Variants in MMP26 observed in about 807,000 individuals in gnomAD.
MMP26 encodes the protein matrix metalloproteinase-26.
MMP26 carries 33 observed loss-of-function variants against 31.0 expected under a neutral mutation model. The ratio of observed to expected loss-of-function variants is 1.06; its 90% CI spans 0.81 to 1.42. The LOEUF (loss-of-function observed/expected upper bound fraction) is 1.42. Ranked by LOEUF, MMP26 falls within the 40% of genes most tolerant of loss-of-function variation. The probability of loss-of-function intolerance (pLI) is 0.00; values close to 1 mark genes in which losing one functional copy is unlikely to be tolerated. For missense variants in MMP26, 347 were observed against 316.1 expected, an observed-to-expected ratio of 1.10 and a Z score of -0.74; for synonymous variants, 122 against 114.9, an observed-to-expected ratio of 1.06 and a Z score of -0.40.
chr11:4,868,737 C>CA (rs1174905069), intron 2 of MMP26, among the ~76,000 whole-genome samples: 1 of 151,984 alleles, frequency 6.6e-6, no homozygotes, highest in Non-Finnish European at 1.5e-5. Context: ...CATATGGAAC[C>CA]AAAAAAGAGC....
At chr11:4,965,215 A>G (rs1846575493) in intron 2 of MMP26, among the ~76,000 whole-genome samples, 1 of 152,292 alleles carries the variant, frequency 6.6e-6, no homozygotes, top group South Asian at 2.1e-4. Flanking sequence ...CTCCCAAGTA[A>G]GCCAGCCTCT....
At chr11:4,813,523 T>A (rs1849379064) in intron 2 of MMP26, among the ~76,000 whole-genome samples, 1 of 152,074 alleles carries the variant, frequency 6.6e-6, no homozygotes, top group African/African-American at 2.4e-5. Flanking sequence ...CACCACACAC[T>A]GCCAGTAATC....
intron 2 of MMP26, among the ~76,000 whole-genome samples, chr11:4,786,079 T>C (rs751813218): frequency 4.5e-4 from 69 of 152,272 alleles, no homozygotes; most frequent in Non-Finnish European, 8.7e-4. Flanking sequence ...TGGGGTTCAA[T>C]ATAAAGCCCT....
At chr11:4,817,005 G>C (rs529313340) in intron 2 of MMP26, among the ~76,000 whole-genome samples, 49 of 151,894 alleles carry the variant, frequency 3.2e-4, no homozygotes, top group Middle Eastern at 6.8e-3. Flanking sequence ...GGCACGTTTA[G>C]TGACATAGGT....
chr11:4,907,498 C>A (rs544417993), intron 2 of MMP26: 1 of 1,613,988 alleles, frequency 6.2e-7, no homozygotes, highest in African/African-American at 1.3e-5. Flanking sequence ...TGGGCAACTG[C>A]ACCATTCTCT....
chr11:4,746,323 T>A (rs1406685695), intron 1 of MMP26, among the ~76,000 whole-genome samples: 11 of 152,222 alleles, frequency 7.2e-5, no homozygotes, highest in Non-Finnish European at 1.6e-4. Flanking sequence ...GTAATAGGAA[T>A]TATCCAATAG....
At chr11:4,796,934 C>T (rs146139451) in intron 2 of MMP26, among the ~76,000 whole-genome samples, 4 of 151,982 alleles carry the variant, frequency 2.6e-5, no homozygotes, top group Admixed American at 6.6e-5. Context: ...CAGTGCACTT[C>T]GGGCTCCTGT....
chr11:4,848,481 T>G (rs1214929177), intron 2 of MMP26: 1 of 1,613,556 alleles, frequency 6.2e-7, no homozygotes, highest in East Asian at 2.2e-5. Flanking sequence ...TTGACCAGCC[T>G]TCCAGCGATC....
Position 4,946,733 on chromosome 11 carries a change from T to C in MMP26, c.-144-41335T>C, listed in dbSNP as rs1846315176. 2.5e-6 allele frequency: 4 copies of C among 1,589,372 alleles called. 1 individual carries two copies. The Admixed American group carries it at 5.1e-5, about 20-fold the overall frequency. Reference sequence around the variant, plus strand: ...AGGGTTGTGGATGGCTAGGAATCTATCAAATGACATGATCAGGAGGACTGA... The same window carrying C: ...AGGGTTGTGGATGGCTAGGAATCTACCAAATGACATGATCAGGAGGACTGA... On this transcript the variant is annotated intron_variant, in intron 2 of 7. Coordinates refer to ENST00000380390, the MANE Select transcript of MMP26 (RefSeq NM_021801.5).
intron 2 of MMP26, among the ~76,000 whole-genome samples, chr11:4,815,922 T>C (rs1273466272): frequency 6.6e-6 from 1 of 152,206 alleles, no homozygotes; most frequent in Non-Finnish European, 1.5e-5. Context: ...TATTTACGTG[T>C]TCACTCAATT....
chr11:4,772,169 G>A (rs1229274022), intron 2 of MMP26, among the ~76,000 whole-genome samples: 1 of 152,222 alleles, frequency 6.6e-6, no homozygotes, highest in Admixed American at 6.5e-5. Context: ...GAGGGCAGGA[G>A]TGTGTAATCC....
At chr11:4,710,614 A>T in intron 1 of MMP26, 1 of 353,794 alleles carries the variant, frequency 2.8e-6, no homozygotes, top group South Asian at 2.1e-5. Context: ...GCTGGTTTCA[A>T]CATGCTTTCT....
chr11:4,734,846 T>TATATAAGCAGGGCATAGGCAGAATAGCA (rs1296636856), intron 1 of MMP26, among the ~76,000 whole-genome samples: 397 of 151,528 alleles, frequency 2.6e-3, no homozygotes, highest in African/African-American at 3.8e-3. Flanking sequence ...ATAGCATATT[T>TATATAAGCAGGGCATAGGCAGAATAGCA]TCAGCTTGTA....
chr11:4,859,878 G>A, intron 2 of MMP26: 1 of 471,152 alleles, frequency 2.1e-6, no homozygotes, highest in Non-Finnish European at 4.4e-6. Flanking sequence ...TGGAGACAAT[G>A]CCCAGCACAG....
chr11:4,936,868 A>C (rs1055558663), intron 2 of MMP26, among the ~76,000 whole-genome samples: 5 of 152,178 alleles, frequency 3.3e-5, no homozygotes, highest in Admixed American at 2.0e-4. Flanking sequence ...TTGAATTTAC[A>C]TCCATCCAAA....
intron 2 of MMP26, among the ~76,000 whole-genome samples, chr11:4,958,654 G>A (rs192433189): frequency 1.3e-5 from 2 of 151,838 alleles, no homozygotes; most frequent in Non-Finnish European, 2.9e-5. Context: ...TCTTTCTCCT[G>A]TATCTTTTCT....
chr11:4,963,016 T>C (rs562412316), intron 2 of MMP26, among the ~76,000 whole-genome samples: 1 of 152,188 alleles, frequency 6.6e-6, no homozygotes, highest in Non-Finnish European at 1.5e-5. Flanking sequence ...GCCTAACAGA[T>C]GCTTTCCCAT....
chr11:4,811,632 T>C (rs1439734561), intron 2 of MMP26, among the ~76,000 whole-genome samples: 1 of 152,176 alleles, frequency 6.6e-6, no homozygotes, highest in African/African-American at 2.4e-5. Context: ...GGAAGCAGAA[T>C]AAAATTCAGG....
intron 2 of MMP26, among the ~76,000 whole-genome samples, chr11:4,936,520 A>G (rs1006855384): frequency 1.3e-5 from 2 of 152,176 alleles, no homozygotes; most frequent in African/African-American, 2.4e-5. Context: ...TGGTCAGGGA[A>G]GGCTTCATAG....
Sources: allele counts gnomAD v4.1 joint callset (sites outside exome capture counted in the v4.1 genomes callset), GRCh38; gene constraint gnomAD v4.1.1; transcripts MANE v1.5; gene names NCBI Gene and HGNC (gene_info 2026-07-23, HGNC 2026-07-21).